The following SLCO2A1 variants were observed in gnomAD, a reference collection of about 807,000 sequenced individuals.
The protein encoded by SLCO2A1 is solute carrier organic anion transporter family member 2A1.
A neutral mutation model predicts 71.7 loss-of-function variants in SLCO2A1; 60 were observed. The ratio of observed to expected loss-of-function variants is 0.84; its 90% CI spans 0.68 to 1.04. The LOEUF (loss-of-function observed/expected upper bound fraction) is 1.04, where lower values mean the gene tolerates loss of function less well. Among genes scored for constraint, SLCO2A1 ranks in the 50% least tolerant of loss-of-function variants. SLCO2A1 has a pLI of 0.00. For synonymous variants in SLCO2A1, 308 were observed against 326.7 expected, an observed-to-expected ratio of 0.94 and a Z score of 0.62; for missense variants, 745 against 813.4, an observed-to-expected ratio of 0.92 and a Z score of 1.02.
intron 1 of SLCO2A1, among the ~76,000 whole-genome samples, chr3:134,017,702 A>G (rs575785349): frequency 4.6e-5 from 7 of 152,290 alleles, no homozygotes; most frequent in African/African-American, 1.7e-4. Context: ...AAGGGGCTTG[A>G]AGTGAGTGCT....
At chr3:133,972,531 C>T (rs573482783) in intron 3 of SLCO2A1, among the ~76,000 whole-genome samples, 9 of 152,162 alleles carry the variant, frequency 5.9e-5, no homozygotes, top group African/African-American at 1.7e-4. Context: ...AATAGCACAT[C>T]GAACTTTCTA....
Position 133,973,770 on chromosome 3 carries a change from C to T in SLCO2A1, c.290G>A (p.Arg97His), listed in dbSNP as rs1376989560. The T allele has an allele frequency of 1.2e-5, 20 of 1,614,008 alleles. No individual in the cohort carries two copies. Among genetic ancestry groups the T allele is most frequent in the Non-Finnish European group, 1.4e-5 (16 of 1,179,986 alleles). ...ACCTCCGATGCCAATCAGACGTGGA[C>T]GGTGCACCCGGCTGCCAAAGTAGCT... The part of the protein sequence containing the change: ...FVSYFGSRVH[R>H]PRLIGIGGLF... Residue 97 changes from arginine to histidine, a missense_variant, in exon 3 of 14, where the codon CGT becomes CAT. Transcript: ENST00000310926.
Position 133,942,782 on chromosome 3 carries a change from G to C in SLCO2A1, c.1462-14C>G. On this transcript the variant is annotated splice_polypyrimidine_tract_variant and intron_variant, in intron 10 of 13. Coordinates refer to ENST00000310926, the MANE Select transcript of SLCO2A1 (RefSeq NM_005630.3). ...GTTCAAATAGATCTTCAAGAGGAAGGGGAGGGAAAAAGGGGGAAATTTGTT... is the reference window on the plus strand; with the variant it reads ...GTTCAAATAGATCTTCAAGAGGAAGCGGAGGGAAAAAGGGGGAAATTTGTT... 6.3e-7 allele frequency: 1 copy of C among 1,586,070 alleles called. No homozygotes were observed. The highest frequency in any genetic ancestry group is 1.2e-5 in the South Asian group (1 of 86,830).
intron 11 of SLCO2A1, among the ~76,000 whole-genome samples, chr3:133,940,365 T>C (rs1933387595): frequency 6.6e-6 from 1 of 152,206 alleles, no homozygotes; most frequent in South Asian, 2.1e-4. Flanking sequence ...TGTGGGATCC[T>C]GGGGCCTCCT....
Position 134,029,908 on chromosome 3 carries a change from A to AT in SLCO2A1, c.-107dup, listed in dbSNP as rs1268303241. On this transcript the variant is annotated 5_prime_UTR_variant, in exon 1 of 14. Transcript: ENST00000310926. ...ACCGCGGCGGCAGTGGCCGGAGGAG[A>AT]TTCGCGGAGCGGAGACTGAGCCAGC... is the stretch of plus-strand genomic sequence containing the variant. 1 of 524,884 alleles carries AT rather than the reference A, an allele frequency of 1.9e-6. No homozygotes were observed. Among genetic ancestry groups the AT allele is most frequent in the Non-Finnish European group, 2.9e-6 (1 of 345,594 alleles). The allele number at this position is 524,884 out of a possible 1,614,324, so 32.5% of individuals were successfully genotyped here.
intron 1 of SLCO2A1, among the ~76,000 whole-genome samples, chr3:133,985,288 T>C (rs999183258): frequency 9.2e-5 from 14 of 152,252 alleles, no homozygotes; most frequent in African/African-American, 2.9e-4. Flanking sequence ...CTGAGTTCCG[T>C]AGTAAAGACT....
intron 1 of SLCO2A1, among the ~76,000 whole-genome samples, chr3:133,994,129 C>T (rs1460582551): frequency 2.0e-5 from 3 of 152,284 alleles, no homozygotes; most frequent in African/African-American, 4.8e-5. Context: ...TTTCTGTCTC[C>T]CCACTTGTCA....
chr3:133,955,141 C>T lies in SLCO2A1; in HGVS notation c.450G>A (p.Leu150=). The T allele has an allele frequency of 6.2e-7, 1 of 1,614,164 alleles. No homozygotes were observed. Among genetic ancestry groups the T allele is most frequent in the East Asian group, 2.2e-5 (1 of 44,876 alleles). ...AELCQKHWQD[L]PPSKCHSTTQ... is the part of the protein sequence containing the mutation. ...TGGTGCTGTGGCACTTACTGGGAGG[C>T]AGGTCCTGCCAATGCTTCTGGCAGA... is the stretch of plus-strand genomic sequence containing the variant. Residue 150 remains leucine (L), a synonymous_variant, in exon 4 of 14, where the codon CTG becomes CTA. Transcript: ENST00000310926.
chr3:133,979,577 G>A lies in SLCO2A1; in HGVS notation c.138C>T (p.Leu46=), dbSNP rs1934537173. The part of the protein sequence containing the change: ...LCQGLLQLCQ[L]LYSAYFKSSL... ...TGCTCTTGAAGTAGGCGCTGTACAG[G>A]AGTTGGCAGAGCTGCAGGAGGCCTT... is the stretch of plus-strand genomic sequence containing the variant. Residue 46 remains leucine, a synonymous_variant, in exon 2 of 14, where the codon CTC becomes CTT. Coordinates refer to ENST00000310926, the MANE Select transcript of SLCO2A1 (RefSeq NM_005630.3). 6.2e-7 allele frequency: 1 copy of A among 1,614,028 alleles called. No individual in the cohort carries two copies. Among genetic ancestry groups the A allele is most frequent in the Non-Finnish European group, 8.5e-7 (1 of 1,179,940 alleles).
chr3:133,975,242 C>A (rs1431603923), intron 2 of SLCO2A1, among the ~76,000 whole-genome samples: 1 of 152,180 alleles, frequency 6.6e-6, no homozygotes, highest in African/African-American at 2.4e-5. Flanking sequence ...CCTCCAAAAC[C>A]CCAGTCCCCT....
At chr3:133,944,602 G>A (rs1933515606) in intron 10 of SLCO2A1, among the ~76,000 whole-genome samples, 1 of 152,202 alleles carries the variant, frequency 6.6e-6, no homozygotes, top group South Asian at 2.1e-4. Flanking sequence ...CGAAATAGCT[G>A]CATGATTTCA....
intron 1 of SLCO2A1, among the ~76,000 whole-genome samples, chr3:133,983,632 G>T (rs2108060609): frequency 6.6e-6 from 1 of 152,308 alleles, no homozygotes; most frequent in Non-Finnish European, 1.5e-5. Context: ...TCTTTGTCTG[G>T]ATAACTTCCC....
At chr3:133,983,256 T>G (rs1369920993) in intron 1 of SLCO2A1, among the ~76,000 whole-genome samples, 2 of 152,174 alleles carry the variant, frequency 1.3e-5, no homozygotes, top group African/African-American at 4.8e-5. Context: ...CAGTCTTCCT[T>G]ACTCATGGCG....
chr3:133,955,343 C>T, intron 3 of SLCO2A1, 150 bp from the exon 4 acceptor site: 1 of 620,236 alleles, frequency 1.6e-6, no homozygotes, highest in Non-Finnish European at 2.8e-6. Context: ...TTCCTGAGGA[C>T]CGCGTCCTTC....
chr3:133,939,530 G>T (rs1559927954), intron 11 of SLCO2A1, among the ~76,000 whole-genome samples: 1 of 152,218 alleles, frequency 6.6e-6, no homozygotes, highest in African/African-American at 2.4e-5. Flanking sequence ...TCACAGTTCT[G>T]CTAGCAAACT....
chr3:133,988,775 C>G (rs777314898), intron 1 of SLCO2A1, among the ~76,000 whole-genome samples: 4 of 152,192 alleles, frequency 2.6e-5, no homozygotes, highest in Non-Finnish European at 5.9e-5. Flanking sequence ...AGGGGACATT[C>G]TGCTCTTCTG....
At chr3:133,962,183 G>T (rs977752828) in intron 3 of SLCO2A1, among the ~76,000 whole-genome samples, 1 of 152,114 alleles carries the variant, frequency 6.6e-6, no homozygotes, top group African/African-American at 2.4e-5. Context: ...GGGTTTAAGC[G>T]ATTCTCCTGC....
intron 1 of SLCO2A1, among the ~76,000 whole-genome samples, chr3:133,996,402 G>C (rs986558339): frequency 3.3e-5 from 5 of 152,218 alleles, no homozygotes; most frequent in African/African-American, 7.2e-5. Context: ...CACCCCATGA[G>C]AGCAGAAGGT....
rs758128252 is a variant in SLCO2A1, at chr3:133,947,386, G to C, written c.1165C>G (p.Arg389Gly). Residue 389 changes from arginine (R) to glycine (G), a missense_variant, in exon 9 of 14, where the codon CGC becomes GGC. Arg to Gly is a moderately radical substitution (Grantham distance 125, BLOSUM62 -2). Transcript: ENST00000310926. Reference sequence around the variant, plus strand: ...ATGGCTTGTAGAGAGAAAACAAAGCGCTTCATGAGGATTCCTCCAAACAGC... The same window carrying C: ...ATGGCTTGTAGAGAGAAAACAAAGCCCTTCATGAGGATTCCTCCAAACAGC... ...GMLFGGILMK[R>G]FVFSLQAIPR... is the part of the protein sequence containing the mutation. The C allele has an allele frequency of 2.5e-6, 4 of 1,614,056 alleles. No individual in the cohort carries two copies. Among genetic ancestry groups the C allele is most frequent in the Non-Finnish European group, 3.4e-6 (4 of 1,179,998 alleles).
Sources: gnomAD v4.1 joint callset for allele counts (sites outside exome capture counted in the v4.1 genomes callset) on GRCh38, gnomAD v4.1.1 for gene constraint, MANE v1.5 for transcripts, NCBI Gene and HGNC (gene_info 2026-07-23, HGNC 2026-07-21) for gene names.